Variants in GRAMD4 observed in about 807,000 individuals in gnomAD.
GRAMD4 encodes GRAM domain-containing protein 4.
Under a neutral mutation model 83.9 loss-of-function variants are expected in GRAMD4, and 25 were observed. That is an observed-to-expected ratio of 0.30 (90% CI 0.22 to 0.42). The LOEUF (loss-of-function observed/expected upper bound fraction) is 0.42. Among genes scored for constraint, GRAMD4 ranks in the 10% least tolerant of loss-of-function variants. GRAMD4 has a pLI of 1.00. For synonymous variants in GRAMD4, 336 were observed against 320.9 expected, an observed-to-expected ratio of 1.05 and a Z score of -0.50; for missense variants, 593 against 788.7, an observed-to-expected ratio of 0.75 and a Z score of 2.97.
chr22:46,638,085 C>A (rs543982639), intron 3 of GRAMD4, 125 bp downstream of exon 3: 2 of 1,013,378 alleles, frequency 2.0e-6, no homozygotes, highest in Non-Finnish European at 2.9e-6. Flanking sequence ...TCGCTGGACA[C>A]GAGCCCTGGG....
At chr22:46,620,117 T>G (rs974685117), upstream of GRAMD4, among the ~76,000 whole-genome samples, 9 of 144,836 alleles carry the variant, frequency 6.2e-5, no homozygotes, top group African/African-American at 2.3e-4. The surrounding 1 kb of genome is among the most constrained non-coding windows in gnomAD (Gnocchi z 4.7). Context: ...CAGGAACCAC[T>G]TTTTTTTTTT....
chr22:46,645,091 G>C (rs1178529676), intron 3 of GRAMD4, among the ~76,000 whole-genome samples: 1 of 151,672 alleles, frequency 6.6e-6, no homozygotes, highest in East Asian at 1.9e-4. Context: ...CAGGAGTAGA[G>C]GATGTTAGTA....
At chr22:46,662,961 T>G in intron 5 of GRAMD4, 79 bp from the exon 6 acceptor site, 2 of 1,403,774 alleles carry the variant, frequency 1.4e-6, no homozygotes, top group Non-Finnish European at 1.9e-6. Flanking sequence ...GGCCCCTCCC[T>G]GCCCTGAGAT....
intron 3 of GRAMD4, among the ~76,000 whole-genome samples, chr22:46,645,344 T>C (rs1027769035): frequency 6.6e-6 from 1 of 152,114 alleles, no homozygotes; most frequent in African/African-American, 2.4e-5. Context: ...CACAGACATA[T>C]TCTGGTTGTC....
Position 46,679,715 on chromosome 22 carries a change from G to C in GRAMD4, c.*2464G>C. ...TGTAACATTTTTTTAAGAAAACTTT[G>C]TTTGTTTAAAGAAAAAGTATTGTAT... is the stretch of plus-strand genomic sequence containing the variant. On this transcript the variant is annotated 3_prime_UTR_variant, in exon 19 of 19. Coordinates refer to ENST00000406902, the MANE Select transcript of GRAMD4 (RefSeq NM_015124.5). 1 of 970,956 alleles carries C rather than the reference G, an allele frequency of 1.0e-6. No individual in the cohort carries two copies. The highest frequency in any genetic ancestry group is 1.2e-6 in the Non-Finnish European group (1 of 816,662). The allele number at this position is 970,956 out of a possible 1,614,324, so 60.1% of individuals were successfully genotyped here. A position where few individuals can be genotyped will look rare whatever the true frequency, so the allele number is the denominator to read the frequency against.
chr22:46,628,411 C>T (rs1249466473), intron 2 of GRAMD4, among the ~76,000 whole-genome samples: 1 of 151,390 alleles, frequency 6.6e-6, no homozygotes, highest in Non-Finnish European at 1.5e-5. Context: ...CAGAGACGGA[C>T]TGAGTGTGTG....
At position 46,675,480 on chromosome 22, in the gene GRAMD4, C is replaced by T. The variant is rs145491235; in HGVS notation, c.1491C>T (p.Phe497=). Residue 497 remains phenylalanine, a synonymous_variant, in exon 17 of 19, where the codon TTC becomes TTT. Coordinates refer to ENST00000406902, the MANE Select transcript of GRAMD4 (RefSeq NM_015124.5). ...GTTCCCCTTCCAGTTACTTGTGCTT[C>T]GAAAGCTCCAAATCTGGGTCCTCAA... ...VLYVTENYLC[F]ESSKSGSSKR... The T allele has an allele frequency of 8.7e-6, 14 of 1,611,660 alleles. No homozygotes were observed. The African/African-American group carries it at 1.3e-4, about 15-fold the overall frequency.
chr22:46,661,099 G>A (rs1247043148), intron 4 of GRAMD4, among the ~76,000 whole-genome samples: 2 of 152,248 alleles, frequency 1.3e-5, no homozygotes, highest in Non-Finnish European at 2.9e-5. Context: ...TGAGTTTAAT[G>A]ATGTTGAAAG....
At chr22:46,597,869 C>T (rs1349019898) in intron 1 of GRAMD4, among the ~76,000 whole-genome samples, 4 of 152,138 alleles carry the variant, frequency 2.6e-5, no homozygotes, top group Admixed American at 6.5e-5. Flanking sequence ...TTAGGTGACA[C>T]GTTGGTTTTG....
At chr22:46,625,147 A>C (rs1387131036) in intron 1 of GRAMD4, among the ~76,000 whole-genome samples, 1 of 152,128 alleles carries the variant, frequency 6.6e-6, no homozygotes, top group African/African-American at 2.4e-5. Context: ...GGCGTGAGCC[A>C]CCGCGCCCAG....
At chr22:46,583,143 C>T (rs1194759536) in intron 1 of GRAMD4, among the ~76,000 whole-genome samples, 2 of 152,186 alleles carry the variant, frequency 1.3e-5, no homozygotes, top group African/African-American at 2.4e-5. Context: ...AGGCTGGTCT[C>T]GAATTCCTGA....
At chr22:46,675,289 C>A (rs532496163) in intron 16 of GRAMD4, among the ~76,000 whole-genome samples, 179 bp from the exon 17 acceptor site, 1 of 152,006 alleles carries the variant, frequency 6.6e-6, no homozygotes, top group African/African-American at 2.4e-5. Flanking sequence ...GAGCAGTGGC[C>A]GTGAGTGTCT....
At chr22:46,655,412 C>T (rs146632435) in intron 3 of GRAMD4, among the ~76,000 whole-genome samples, 6 of 152,098 alleles carry the variant, frequency 3.9e-5, no homozygotes, top group African/African-American at 7.2e-5. Context: ...TGGAGCCGGA[C>T]GGGAGGGTGT....
Position 46,677,775 on chromosome 22 carries a change from C to T in GRAMD4, c.*524C>T, listed in dbSNP as rs1357972814. 2.0e-6 allele frequency: 2 copies of T among 986,022 alleles called. No individual in the cohort carries two copies. The highest frequency in any genetic ancestry group is 2.3e-4 in the East Asian group (2 of 8,834). 61.1% of individuals were successfully genotyped at this position (986,022 alleles called of 1,614,324 possible). A position where few individuals can be genotyped will look rare whatever the true frequency, so the allele number is the denominator to read the frequency against. On this transcript the variant is annotated 3_prime_UTR_variant, in exon 19 of 19. Transcript: ENST00000406902. ...ACCGAGAAACGGGCCTGGCGGCCCT[C>T]CTTCCTCTTACATGAGACCCTCCTG...
intron 2 of GRAMD4, among the ~76,000 whole-genome samples, chr22:46,633,993 T>C (rs189931515): frequency 6.6e-6 from 1 of 152,238 alleles, no homozygotes; most frequent in Non-Finnish European, 1.5e-5. Flanking sequence ...CCCTCAGGCC[T>C]GTCTCACCCC....
At chr22:46,589,669 C>G (rs1358269197) in intron 1 of GRAMD4, among the ~76,000 whole-genome samples, 4 of 152,126 alleles carry the variant, frequency 2.6e-5, no homozygotes, top group African/African-American at 7.2e-5. Flanking sequence ...TGGCTACCCC[C>G]CAGTCCCGCT....
chr22:46,590,529 C>T (rs978924926), intron 1 of GRAMD4, among the ~76,000 whole-genome samples: 4 of 152,232 alleles, frequency 2.6e-5, no homozygotes, highest in African/African-American at 7.2e-5. Context: ...CGTTAACACC[C>T]AGTCAGCTGG....
intron 1 of GRAMD4, among the ~76,000 whole-genome samples, chr22:46,590,282 C>T (rs2081193961): frequency 6.6e-6 from 1 of 152,210 alleles, no homozygotes; most frequent in Non-Finnish European, 1.5e-5. Context: ...GGCCTGATTC[C>T]TCTTGGTGGG....
In GRAMD4 at chr22:46,674,739, C is replaced by T. The variant is rs765275456; in HGVS notation, c.1467C>T (p.Tyr489=). The change falls in exon 16 of 19, where the codon TAC becomes TAT. Residue 489 remains tyrosine, a synonymous_variant. Coordinates refer to ENST00000406902, the MANE Select transcript of GRAMD4 (RefSeq NM_015124.5). ...ACTACATCAGGAACGGGGTGCTCTA[C>T]GTCACGGAGAAGTGAGTGCAGCCGT... The part of the protein sequence containing the change: ...PTDYIRNGVL[Y]VTENYLCFES... 8.1e-6 allele frequency: 13 copies of T among 1,609,120 alleles called. No homozygotes were observed. Among genetic ancestry groups the T allele is most frequent in the East Asian group, 2.2e-5 (1 of 44,882 alleles).
Sources: gnomAD v4.1 joint callset for allele counts (sites outside exome capture counted in the v4.1 genomes callset) on GRCh38, gnomAD v4.1.1 for gene constraint, Gnocchi (gnomAD v3.1) non-coding constraint, MANE v1.5 for transcripts, NCBI Gene and HGNC (gene_info 2026-07-23, HGNC 2026-07-21) for gene names.